Variants in ATAD2B observed in about 807,000 individuals in gnomAD.
ATAD2B encodes the protein ATPase family AAA domain containing 2B, also known as ATPase family AAA domain-containing protein 2B.
A neutral mutation model predicts 167.6 loss-of-function variants in ATAD2B; 40 were observed. The observed-to-expected ratio is 0.24, with a 90% confidence interval of 0.19 to 0.31. The LOEUF is 0.31. Among genes scored for constraint, ATAD2B ranks in the 10% least tolerant of loss-of-function variants. ATAD2B has a pLI of 1.00. For missense variants in ATAD2B, 1,242 were observed against 1,757.2 expected, an observed-to-expected ratio of 0.71 and a Z score of 5.24; for synonymous variants, 579 against 596.5, an observed-to-expected ratio of 0.97 and a Z score of 0.43.
chr2:23,790,559 T>C (rs1280119677), intron 19 of ATAD2B, among the ~76,000 whole-genome samples: 1 of 152,216 alleles, frequency 6.6e-6, no homozygotes, highest in Non-Finnish European at 1.5e-5. Context: ...ACCAACACCT[T>C]AGAATCCAAC....
chr2:23,823,549 T>C lies in ATAD2B; in HGVS notation c.1840A>G (p.Lys614Glu). Residue 614 changes from lysine (K) to glutamate (E), a missense_variant, in exon 16 of 28, where the codon AAG (lysine) becomes GAG (glutamate). Around this residue, in one of 9 missense-constraint regions of ATAD2B, gnomAD observed 151 missense variants for 284.1 expected, o/e 0.53. Transcript: ENST00000238789. ...KCVGYCGADI[K>E]ALCTEAALIA... is the part of the protein sequence containing the mutation. ...AGGGCGGCTTCAGTGCACAGGGCCT[T>C]GATATCGGCTCCACAGTAGCCTAAT... 1 of 1,612,400 alleles carries C rather than the reference T, an allele frequency of 6.2e-7. No homozygotes were observed. The highest frequency in any genetic ancestry group is 8.5e-7 in the Non-Finnish European group (1 of 1,179,618).
chr2:23,888,383 C>A lies in ATAD2B; in HGVS notation c.385G>T (p.Gly129Cys). 1 of 1,591,992 alleles carries A rather than the reference C, an allele frequency of 6.3e-7. No individual in the cohort carries two copies. The highest frequency in any genetic ancestry group is 8.5e-7 in the Non-Finnish European group (1 of 1,169,766). ...CTATGTCCATTTGGTAATGTAGCAC[C>A]AGGCTGAGAAGTTAACCTAGAACAC... is the stretch of plus-strand genomic sequence containing the variant. ...TGQARLTSQP[G>C]ATLPNGHSGL... Residue 129 changes from glycine to cysteine, a missense_variant, in exon 3 of 28, where the codon GGT becomes TGT. Coordinates refer to ENST00000238789, the MANE Select transcript of ATAD2B (RefSeq NM_017552.4).
chr2:23,715,288 T>C, the ATAD2B span, among the ~76,000 whole-genome samples: 2 of 152,146 alleles, frequency 1.3e-5, no homozygotes, highest in South Asian at 4.1e-4. Context: ...AAATATCATA[T>C]TGAAGGCCAG....
At chr2:23,696,429 G>A in the ATAD2B span, 4 of 1,551,500 alleles carry the variant, frequency 2.6e-6, no homozygotes, top group South Asian at 2.4e-5. The surrounding 1 kb of genome is among the most constrained non-coding windows in gnomAD (Gnocchi z 5.5). Flanking sequence ...GTCCCCCGCT[G>A]TCGGCACAAT....
chr2:23,883,479 T>C, intron 6 of ATAD2B: 1 of 383,622 alleles, frequency 2.6e-6, no homozygotes, highest in South Asian at 3.2e-5. Context: ...AAAATGTCTG[T>C]ACAGTAACAC....
At chr2:23,875,210 A>G (rs957370742) in intron 8 of ATAD2B, among the ~76,000 whole-genome samples, 3 of 151,886 alleles carry the variant, frequency 2.0e-5, no homozygotes, top group Non-Finnish European at 4.4e-5. Context: ...AACTTTTAAA[A>G]GTAGAAACTG....
chr2:23,705,171 A>AGCAT, the ATAD2B span, among the ~76,000 whole-genome samples: 4 of 152,188 alleles, frequency 2.6e-5, no homozygotes, highest in Admixed American at 1.3e-4. Flanking sequence ...ACTTGGGAGG[A>AGCAT]TGCTCGCACC....
In ATAD2B at chr2:23,825,943, C is replaced by T. The variant is rs1688184322; in HGVS notation, c.1820-2374G>A. On this transcript the variant is annotated intron_variant, in intron 15 of 27. Transcript: ENST00000238789. ...CCAGACAAAGAAATGATCAATAGACCCCATTTAATGAAGTAGATTTTCACA... is the reference window on the plus strand; with the variant it reads ...CCAGACAAAGAAATGATCAATAGACTCCATTTAATGAAGTAGATTTTCACA... Among the ~76,000 whole-genome samples, 6 of 152,004 alleles carry T rather than the reference C, an allele frequency of 3.9e-5. No individual in the cohort carries two copies. In the South Asian group the frequency reaches 1.3e-3, roughly 32 times the overall value.
chr2:23,711,111 T>C, the ATAD2B span, among the ~76,000 whole-genome samples: 1 of 152,144 alleles, frequency 6.6e-6, no homozygotes, highest in Non-Finnish European at 1.5e-5. Context: ...GATACACATA[T>C]ATAAAGATAT....
At chr2:23,891,735 C>G (rs1017500999) in intron 2 of ATAD2B, among the ~76,000 whole-genome samples, 3 of 151,886 alleles carry the variant, frequency 2.0e-5, no homozygotes, top group Non-Finnish European at 4.4e-5. Flanking sequence ...ATGATACCCC[C>G]CCGCCCCGAC....
the ATAD2B span, among the ~76,000 whole-genome samples, chr2:23,703,021 G>A: frequency 3.9e-5 from 6 of 152,230 alleles, no homozygotes; most frequent in African/African-American, 1.4e-4. Context: ...GACCCCAGGA[G>A]GTCTTGAGTG....
the ATAD2B span, among the ~76,000 whole-genome samples, chr2:23,678,995 A>G: frequency 6.6e-6 from 1 of 151,894 alleles, no homozygotes; most frequent in Non-Finnish European, 1.5e-5. Flanking sequence ...CAACAGTGTG[A>G]ATATACTTAA....
chr2:23,758,832 T>C (rs1475429306), intron 24 of ATAD2B, among the ~76,000 whole-genome samples: 2 of 152,174 alleles, frequency 1.3e-5, no homozygotes, highest in African/African-American at 4.8e-5. Context: ...TGAAAATAAA[T>C]ACTTGGTCAC....
At chr2:23,753,861 T>C (rs72798057) in intron 27 of ATAD2B, among the ~76,000 whole-genome samples, 18,276 of 152,072 alleles carry the variant, frequency 0.12, 1,179 homozygotes, top group Middle Eastern at 0.21. Flanking sequence ...ACAGGCTCAA[T>C]TGGCACGTCA....
At chr2:23,756,972 T>C (rs1558488546) in intron 25 of ATAD2B, among the ~76,000 whole-genome samples, 1 of 152,156 alleles carries the variant, frequency 6.6e-6, no homozygotes, top group Admixed American at 6.5e-5. Flanking sequence ...ACAAGAGTGG[T>C]AATTTAATCT....
At chr2:23,894,406 G>C (rs971204163) in intron 2 of ATAD2B, among the ~76,000 whole-genome samples, 1 of 151,810 alleles carries the variant, frequency 6.6e-6, no homozygotes, top group Admixed American at 6.6e-5. Context: ...ACTTGAACCT[G>C]GGAGACAGAG....
intron 1 of ATAD2B, among the ~76,000 whole-genome samples, chr2:23,925,322 G>A (rs577261736): frequency 1.1e-3 from 175 of 152,230 alleles, no homozygotes; most frequent in Non-Finnish European, 2.3e-3. Flanking sequence ...GATTTTCAAA[G>A]ATATAATAAA....
At chr2:23,883,316 A>G (rs1053592675) in intron 6 of ATAD2B, among the ~76,000 whole-genome samples, 2 of 150,380 alleles carry the variant, frequency 1.3e-5, no homozygotes, top group Admixed American at 6.7e-5. Context: ...CAAGGACTTT[A>G]TATTTTACTC....
chr2:23,829,234 C>G (rs563860340), intron 14 of ATAD2B, among the ~76,000 whole-genome samples: 1 of 152,228 alleles, frequency 6.6e-6, no homozygotes, highest in South Asian at 2.1e-4. Context: ...AGTGACTCAT[C>G]TGGGACTAGA....
Sources: allele counts gnomAD v4.1 joint callset (sites outside exome capture counted in the v4.1 genomes callset), GRCh38; gene constraint gnomAD v4.1.1; regional missense constraint gnomAD v4.1.1; non-coding constraint Gnocchi (gnomAD v3.1); transcripts MANE v1.5; gene names NCBI Gene and HGNC (gene_info 2026-07-23, HGNC 2026-07-21).